Variants in UNC13B observed in about 807,000 individuals in gnomAD.
UNC13B encodes the protein unc-13 homolog B, also known as protein unc-13 homolog B.
A neutral mutation model predicts 211.0 loss-of-function variants in UNC13B; 144 were observed. That is an observed-to-expected ratio of 0.68 (90% CI 0.60 to 0.78). UNC13B has a LOEUF of 0.78. UNC13B is among the 30% of genes least tolerant of loss of function. The pLI is 0.00. For missense variants in UNC13B, 1,777 were observed against 2,002.0 expected (o/e 0.89, Z 2.14); for synonymous variants, 709 against 725.8 (o/e 0.98, Z 0.37).
rs1467912826 is a variant in UNC13B, at chr9:35,307,753, T to G, written c.8349T>G (p.His2783Gln). The G allele has an allele frequency of 1.0e-5, 4 of 398,954 alleles. No individual in the cohort carries two copies. Among genetic ancestry groups the G allele is most frequent in the Non-Finnish European group, 1.3e-5 (3 of 226,100 alleles). 24.7% of individuals were successfully genotyped at this position (398,954 alleles called of 1,614,324 possible). Residue 2783 changes from histidine to glutamine, a missense_variant, in exon 9 of 40, where the codon CAT becomes CAG. Coordinates refer to ENST00000635942, the MANE Select transcript of UNC13B (RefSeq NM_001371189.2). ...KLRLPSSATN[H>Q]GKPLSSFFSS... ...GTTTGCCATCCTCTGCTACTAACCA[T>G]GGGAAACCACTGAGCTCTTTCTTTT... is the stretch of plus-strand genomic sequence containing the variant.
At chr9:35,383,413 C>T (rs559113555) in intron 21 of UNC13B, among the ~76,000 whole-genome samples, 35 of 152,324 alleles carry the variant, frequency 2.3e-4, no homozygotes, top group Admixed American at 5.9e-4. Flanking sequence ...GATATCACCC[C>T]AATTCACTGA....
chr9:35,291,633 A>G (rs965363196), intron 7 of UNC13B, among the ~76,000 whole-genome samples: 4 of 152,196 alleles, frequency 2.6e-5, no homozygotes, highest in Non-Finnish European at 5.9e-5. Flanking sequence ...GAGGCTGAGG[A>G]TATGGCTTGG....
intron 24 of UNC13B, among the ~76,000 whole-genome samples, chr9:35,387,740 A>G (rs2132293199): frequency 6.6e-6 from 1 of 152,322 alleles, no homozygotes; most frequent in East Asian, 1.9e-4. Context: ...TTATTCGTCC[A>G]TTCATTTACT....
intron 11 of UNC13B, among the ~76,000 whole-genome samples, chr9:35,330,658 C>T (rs954178927): frequency 7.2e-5 from 11 of 152,196 alleles, no homozygotes; most frequent in Admixed American, 1.3e-4. Context: ...AGTAGCAATA[C>T]GGATGTTTTT....
At chr9:35,202,006 T>G (rs1021723027) in intron 1 of UNC13B, among the ~76,000 whole-genome samples, 1 of 152,238 alleles carries the variant, frequency 6.6e-6, no homozygotes, top group Non-Finnish European at 1.5e-5. Context: ...ACACATTGCT[T>G]TAAATGTGTA....
chr9:35,313,436 G>A (rs562574117), intron 10 of UNC13B, among the ~76,000 whole-genome samples: 1 of 152,002 alleles, frequency 6.6e-6, no homozygotes, highest in African/African-American at 2.4e-5. Flanking sequence ...ACAAGCCTGG[G>A]CAACATGGCG....
chr9:35,305,747 T>A lies in UNC13B; in HGVS notation c.6343T>A (p.Ser2115Thr). The part of the protein sequence containing the change: ...TSGVTTVTEV[S>T]KSNEISFDTL... ...TGGTGTGACTACAGTGACAGAAGTTTCAAAAAGTAATGAAATATCCTTTGA... is the reference window on the plus strand; with the variant it reads ...TGGTGTGACTACAGTGACAGAAGTTACAAAAAGTAATGAAATATCCTTTGA... Residue 2115 changes from serine (S) to threonine (T), a missense_variant, in exon 9 of 40, where the codon TCA becomes ACA. By Grantham distance (58) the Ser-to-Thr change is moderately conservative. Transcript: ENST00000635942. The A allele has an allele frequency of 2.5e-6, 1 of 398,992 alleles. No individual in the cohort carries two copies. The highest frequency in any genetic ancestry group is 4.4e-6 in the Non-Finnish European group (1 of 226,018). The allele number at this position is 398,992 out of a possible 1,614,324, so 24.7% of individuals were successfully genotyped here.
chr9:35,280,118 A>C (rs964847110), intron 7 of UNC13B, among the ~76,000 whole-genome samples: 1 of 152,118 alleles, frequency 6.6e-6, no homozygotes, highest in African/African-American at 2.4e-5. Context: ...ATTTTCAATA[A>C]TAATATTGTG....
intron 1 of UNC13B, among the ~76,000 whole-genome samples, chr9:35,174,635 C>T (rs1301360839): frequency 1.3e-5 from 2 of 151,908 alleles, no homozygotes; most frequent in Non-Finnish European, 2.9e-5. Flanking sequence ...GCAAGCTCTG[C>T]GTCCCGGGTT....
chr9:35,354,670 A>G (rs1474946123), intron 11 of UNC13B, among the ~76,000 whole-genome samples: 1 of 152,226 alleles, frequency 6.6e-6, no homozygotes. Context: ...CCAGTTTTAA[A>G]TTTAAATGGG....
Position 35,300,595 on chromosome 9 carries a change from A to G in UNC13B, c.1191A>G (p.Thr397=), listed in dbSNP as rs1445498977. ...SDKQENLQSP[T]WHSSNVHHIG... Reference sequence around the variant, plus strand: ...AGCAGGAAAATTTACAGTCACCAACATGGCATTCATCCAATGTCCACCATA... The same window carrying G: ...AGCAGGAAAATTTACAGTCACCAACGTGGCATTCATCCAATGTCCACCATA... The change falls in exon 9 of 40, where the codon ACA becomes ACG. Residue 397 remains threonine (T), a synonymous_variant. Coordinates refer to ENST00000635942, the MANE Select transcript of UNC13B (RefSeq NM_001371189.2). 2.5e-6 allele frequency: 1 copy of G among 398,910 alleles called. No individual in the cohort carries two copies. The highest frequency in any genetic ancestry group is 4.4e-6 in the Non-Finnish European group (1 of 226,042). The allele number at this position is 398,910 out of a possible 1,614,324, so 24.7% of individuals were successfully genotyped here.
chr9:35,402,027 G>T (rs1836335653), intron 37 of UNC13B: 7 of 1,549,368 alleles, frequency 4.5e-6, no homozygotes, highest in Middle Eastern at 1.7e-4. Context: ...ACACCGTGCA[G>T]ATATGGATCT....
intron 7 of UNC13B, among the ~76,000 whole-genome samples, chr9:35,264,522 G>C (rs1353572573): frequency 6.6e-6 from 1 of 152,104 alleles, no homozygotes; most frequent in Non-Finnish European, 1.5e-5. Context: ...AAATGCAAGA[G>C]GACAGAAATG....
chr9:35,202,530 C>T (rs1461973626), intron 1 of UNC13B, among the ~76,000 whole-genome samples: 3 of 152,072 alleles, frequency 2.0e-5, no homozygotes, highest in East Asian at 3.8e-4. Flanking sequence ...AATCTGGGTG[C>T]TCCTGTATTG....
At chr9:35,363,554 T>C (rs745987574) in intron 11 of UNC13B, among the ~76,000 whole-genome samples, 14 of 152,158 alleles carry the variant, frequency 9.2e-5, no homozygotes, top group Non-Finnish European at 1.9e-4. Context: ...CAGAAATAGC[T>C]TGAAAAATTG....
intron 11 of UNC13B, among the ~76,000 whole-genome samples, chr9:35,333,480 A>G (rs1447883898): frequency 6.6e-6 from 1 of 152,200 alleles, no homozygotes; most frequent in Non-Finnish European, 1.5e-5. Flanking sequence ...AATATCATAC[A>G]TGTAGAGCAG....
In UNC13B at chr9:35,400,484, G is replaced by C. The variant is rs140778127; in HGVS notation, c.12484+41G>C. ...CTTTGGGTATCCACCTCTCCTCTCT[G>C]ATACACATCTTCCCCTAGGGAGTCT... On this transcript the variant is annotated intron_variant, in intron 37 of 39. Transcript: ENST00000635942. 7.4e-5 allele frequency: 118 copies of C among 1,592,412 alleles called. 2 individuals are homozygous for C. The Middle Eastern group carries it at 1.2e-3, about 17-fold the overall frequency.
chr9:35,349,203 A>G (rs936905977), intron 11 of UNC13B, among the ~76,000 whole-genome samples: 6 of 152,186 alleles, frequency 3.9e-5, no homozygotes, highest in Admixed American at 3.9e-4. Flanking sequence ...GGCGAGAGCC[A>G]CCACGCCCAG....
At chr9:35,173,193 A>C (rs1430710575) in intron 1 of UNC13B, among the ~76,000 whole-genome samples, 2 of 152,164 alleles carry the variant, frequency 1.3e-5, no homozygotes, top group Non-Finnish European at 2.9e-5. Flanking sequence ...GGCAAAGATG[A>C]TTCGAAAGGC....
Sources: allele counts gnomAD v4.1 joint callset (sites outside exome capture counted in the v4.1 genomes callset), GRCh38; gene constraint gnomAD v4.1.1; transcripts MANE v1.5; gene names NCBI Gene and HGNC (gene_info 2026-07-23, HGNC 2026-07-21).